Variants in TNKS2 observed in about 807,000 individuals in gnomAD.
TNKS2 encodes the protein poly [ADP-ribose] polymerase tankyrase-2.
Under a neutral mutation model 137.6 loss-of-function variants are expected in TNKS2, and 72 were observed. The ratio of observed to expected loss-of-function variants is 0.52; its 90% CI spans 0.43 to 0.64. TNKS2 has a LOEUF of 0.64. TNKS2 is among the 30% of genes least tolerant of loss of function. TNKS2 has a pLI of 0.00. For missense variants in TNKS2, 1,049 were observed against 1,410.2 expected (o/e 0.74, Z 4.10); for synonymous variants, 516 against 512.1 (o/e 1.01, Z -0.10).
intron 7 of TNKS2, among the ~76,000 whole-genome samples, chr10:91,825,580 G>A (rs755070178): frequency 1.8e-4 from 28 of 152,182 alleles, no homozygotes; most frequent in Non-Finnish European, 4.0e-4. Flanking sequence ...AGAAAGCTTT[G>A]TAACAACAGA....
intron 1 of TNKS2, among the ~76,000 whole-genome samples, chr10:91,799,230 C>T (rs1263387238): frequency 2.0e-5 from 3 of 152,050 alleles, no homozygotes; most frequent in Non-Finnish European, 4.4e-5. Flanking sequence ...GAGTAGGGGA[C>T]GTAGTTGATA....
chr10:91,798,938 A>C, intron 1 of TNKS2, 49 bp downstream of exon 1: 1 of 1,318,984 alleles, frequency 7.6e-7, no homozygotes, highest in Non-Finnish European at 9.7e-7. Flanking sequence ...CCACCTGCGC[A>C]GCCGGGGCCC....
At position 91,840,542 on chromosome 10, in the gene TNKS2, G is replaced by A. The variant is rs747676049; in HGVS notation, c.1528-19G>A. The A allele has an allele frequency of 1.5e-4, 160 of 1,089,484 alleles. No individual in the cohort carries two copies. The highest frequency in any genetic ancestry group is 2.0e-4 in the Non-Finnish European group (159 of 800,050). 67.5% of individuals were successfully genotyped at this position (1,089,484 alleles called of 1,614,324 possible). ...AATATGTAGATGTAGTATCATGTAT[G>A]TTGTGTTTTGTCCTTCAGAAACTGT... On this transcript the variant is annotated intron_variant, in intron 13 of 26. Transcript: ENST00000371627.
intron 23 of TNKS2, among the ~76,000 whole-genome samples, chr10:91,856,741 G>A (rs1210534949): frequency 2.0e-5 from 3 of 152,018 alleles, no homozygotes; most frequent in Non-Finnish European, 4.4e-5. Context: ...TGACAGTTAC[G>A]ATCCTTGATT....
At chr10:91,808,250 G>A (rs1844393571) in intron 1 of TNKS2, among the ~76,000 whole-genome samples, 2 of 151,668 alleles carry the variant, frequency 1.3e-5, no homozygotes, top group Non-Finnish European at 2.9e-5. Flanking sequence ...ACCAGGTAAT[G>A]AGTAGAAGTG....
chr10:91,835,592 C>CTTTTTTTTTTTTTTTTTT (rs35247985), intron 12 of TNKS2, among the ~76,000 whole-genome samples: 1 of 109,428 alleles, frequency 9.1e-6, no homozygotes, highest in Non-Finnish European at 1.8e-5. Flanking sequence ...CCCGGCCTTT[C>CTTTTTTTTTTTTTTTTTT]TTTTTTTTTT....
At position 91,840,707 on chromosome 10, in the gene TNKS2, G is replaced by GT. The variant is rs1203921135; in HGVS notation, c.1673+2dup. ...CTGATGTGCATGCTAAAGATAAAGG[G>GT]TAAATGCCAATGATTGTTATGGACT... On this transcript the variant is annotated splice_donor_variant, in intron 14 of 26. Coordinates refer to ENST00000371627, the MANE Select transcript of TNKS2 (RefSeq NM_025235.4). LOFTEE classifies it high-confidence loss of function. The GT allele has an allele frequency of 1.9e-6, 3 of 1,611,092 alleles. No individual in the cohort carries two copies. The highest frequency in any genetic ancestry group is 2.5e-6 in the Non-Finnish European group (3 of 1,178,672).
intron 12 of TNKS2, among the ~76,000 whole-genome samples, chr10:91,835,701 C>T (rs909374035): frequency 9.3e-5 from 14 of 150,568 alleles, no homozygotes; most frequent in African/African-American, 3.2e-4. Context: ...GATCTTGGCT[C>T]ACTGCAACCT....
intron 21 of TNKS2, 134 bp downstream of exon 21, chr10:91,851,470 C>A: frequency 1.9e-6 from 2 of 1,076,508 alleles, no homozygotes; most frequent in African/African-American, 1.7e-5. Context: ...ATTCAGGAAA[C>A]TGGGATTAAG....
At chr10:91,803,749 C>T (rs1844246629) in intron 1 of TNKS2, among the ~76,000 whole-genome samples, 2 of 152,208 alleles carry the variant, frequency 1.3e-5, no homozygotes, top group Non-Finnish European at 2.9e-5. Flanking sequence ...CTTCCAATCT[C>T]CCAGACTACA....
chr10:91,810,444 A>G (rs1036567077), intron 1 of TNKS2, among the ~76,000 whole-genome samples: 6 of 151,874 alleles, frequency 4.0e-5, no homozygotes, highest in East Asian at 3.9e-4. Context: ...ACACTAATTT[A>G]TGGGACAAAG....
At chr10:91,801,035 A>G (rs537772622) in intron 1 of TNKS2, among the ~76,000 whole-genome samples, 3 of 152,258 alleles carry the variant, frequency 2.0e-5, no homozygotes, top group South Asian at 4.2e-4. Flanking sequence ...ATTGGAGGTG[A>G]TGGGGGACAT....
chr10:91,798,930 A>G (rs1422279303), intron 1 of TNKS2, 41 bp downstream of exon 1: 4 of 1,328,690 alleles, frequency 3.0e-6, no homozygotes, highest in Admixed American at 3.6e-5. Flanking sequence ...TCCAGACCCC[A>G]CCTGCGCAGC....
intron 13 of TNKS2, among the ~76,000 whole-genome samples, chr10:91,838,478 A>T (rs1842102989): frequency 6.6e-6 from 1 of 152,238 alleles, no homozygotes; most frequent in South Asian, 2.1e-4. Context: ...CTGATAATCC[A>T]CCAGGCTGGA....
chr10:91,822,218 A>G, intron 6 of TNKS2, 78 bp from the exon 7 acceptor site: 3 of 1,142,546 alleles, frequency 2.6e-6, no homozygotes, highest in Non-Finnish European at 3.8e-6. Flanking sequence ...AAGTAATTAA[A>G]TAAATTTTAA....
intron 7 of TNKS2, among the ~76,000 whole-genome samples, chr10:91,823,711 AC>A (rs200745469): frequency 0.014 from 2,146 of 151,896 alleles, 29 homozygotes; most frequent in Non-Finnish European, 0.024. Context: ...TGTTACCTAT[AC>A]CTTTTAACTT....
At chr10:91,808,785 A>G (rs1185662497) in intron 1 of TNKS2, among the ~76,000 whole-genome samples, 2 of 152,240 alleles carry the variant, frequency 1.3e-5, no homozygotes, top group East Asian at 3.8e-4. Flanking sequence ...AGATAAGATT[A>G]TCTAAAAAGA....
Position 91,842,314 on chromosome 10 carries a change from T to C in TNKS2, c.1982T>C (p.Val661Ala). 1 of 1,614,136 alleles carries C rather than the reference T, an allele frequency of 6.2e-7. No individual in the cohort carries two copies. The highest frequency in any genetic ancestry group is 8.5e-7 in the Non-Finnish European group (1 of 1,180,004). The change falls in exon 16 of 27, where the codon GTG becomes GCG. Residue 661 changes from valine to alanine, a missense_variant. Val to Ala is a moderately conservative substitution (Grantham distance 64). Coordinates refer to ENST00000371627, the MANE Select transcript of TNKS2 (RefSeq NM_025235.4). ...DAAKKGCLAR[V>A]KKLSSPDNVN... ...GCCAAGAAGGGTTGTTTAGCCAGAGTGAAGAAGTTGTCTTCTCCTGATAAT... is the reference window on the plus strand; with the variant it reads ...GCCAAGAAGGGTTGTTTAGCCAGAGCGAAGAAGTTGTCTTCTCCTGATAAT...
chr10:91,811,884 C>T, intron 1 of TNKS2, among the ~76,000 whole-genome samples: 1 of 151,998 alleles, frequency 6.6e-6, no homozygotes, highest in East Asian at 1.9e-4. Context: ...ATGGTGAAAT[C>T]CCATCTCTAC....
Sources: allele counts gnomAD v4.1 joint callset (sites outside exome capture counted in the v4.1 genomes callset), GRCh38; gene constraint gnomAD v4.1.1; transcripts MANE v1.5; gene names NCBI Gene and HGNC (gene_info 2026-07-23, HGNC 2026-07-21).